Variants in CHD7 observed in about 807,000 individuals in gnomAD.
The protein encoded by CHD7 is chromodomain helicase DNA binding protein 7.
CHD7 carries 24 observed loss-of-function variants against 307.3 expected under a neutral mutation model. That is an observed-to-expected ratio of 0.08 (90% CI 0.06 to 0.11). CHD7 has a LOEUF of 0.11. Ranked by LOEUF, CHD7 falls within the 10% of genes least tolerant of loss-of-function variation. The pLI is 1.00. For missense variants in CHD7, 3,106 were observed against 3,727.1 expected (o/e 0.83, Z 4.34); for synonymous variants, 1,363 against 1,349.9 (o/e 1.01, Z -0.21).
Position 60,852,563 on chromosome 8 carries a change from C to T in CHD7, c.5960C>T (p.Pro1987Leu). Reference protein sequence around the residue: ...VVSTFGVIFDPVKQQFDWNQF... With the variant: ...VVSTFGVIFDLVKQQFDWNQF... ...TCCACCTTTGGGGTTATTTTTGACC[C>T]TGTGAAACAGCAATTTGACTGGAAC... The change falls in exon 30 of 38, where the codon CCT (proline) becomes CTT (leucine). Residue 1987 changes from proline (P) to leucine (L), a missense_variant. Around this residue, in one of 10 missense-constraint regions of CHD7, gnomAD observed 1,030 missense variants for 1,165.4 expected, o/e 0.88. Coordinates refer to ENST00000423902, the MANE Select transcript of CHD7 (RefSeq NM_017780.4). 6.2e-7 allele frequency: 1 copy of T among 1,613,882 alleles called. No individual in the cohort carries two copies. The highest frequency in any genetic ancestry group is 1.7e-5 in the Admixed American group (1 of 60,008).
chr8:60,765,366 CAA>C (rs1273209024), intron 2 of CHD7, among the ~76,000 whole-genome samples: 3 of 152,088 alleles, frequency 2.0e-5, no homozygotes, highest in African/African-American at 4.8e-5. Context: ...ATATAAATGA[CAA>C]GAGTATAACA....
rs1804071006 is a variant in CHD7, at chr8:60,822,119, C to T, written c.2931C>T (p.Asn977=). The change falls in exon 11 of 38, where the codon AAC becomes AAT. Residue 977 remains asparagine (N), a synonymous_variant. Transcript: ENST00000423902. ...KLREYQLEGV[N]WLLFNWYNMR... ...GGGAATACCAGTTGGAGGGAGTAAACTGGCTACTTTTCAATTGGTACAACA... is the reference window on the plus strand; with the variant it reads ...GGGAATACCAGTTGGAGGGAGTAAATTGGCTACTTTTCAATTGGTACAACA... 1 of 1,613,554 alleles carries T rather than the reference C, an allele frequency of 6.2e-7. No homozygotes were observed. Among genetic ancestry groups the T allele is most frequent in the Admixed American group, 1.7e-5 (1 of 59,986 alleles).
intron 2 of CHD7, among the ~76,000 whole-genome samples, chr8:60,757,964 C>G (rs1362643609): frequency 6.6e-6 from 1 of 152,046 alleles, no homozygotes; most frequent in Non-Finnish European, 1.5e-5. Flanking sequence ...GTTTTGAAAT[C>G]CTGATGCTCT....
At chr8:60,855,519 A>C (rs1805660414) in intron 32 of CHD7, among the ~76,000 whole-genome samples, 1 of 152,226 alleles carries the variant, frequency 6.6e-6, no homozygotes, top group African/African-American at 2.4e-5. Flanking sequence ...TAGTGACGCT[A>C]ATGATGTCCT....
At chr8:60,716,116 A>G (rs556720985) in intron 1 of CHD7, among the ~76,000 whole-genome samples, 1 of 152,294 alleles carries the variant, frequency 6.6e-6, no homozygotes, top group East Asian at 1.9e-4. Flanking sequence ...CTCTGCCTTT[A>G]AAGTATATGC....
At chr8:60,801,943 TC>T (rs1812333526) in intron 6 of CHD7, among the ~76,000 whole-genome samples, 1 of 152,158 alleles carries the variant, frequency 6.6e-6, no homozygotes, top group African/African-American at 2.4e-5. Context: ...TCAGGAAGGT[TC>T]CCCCCTCTTT....
Position 60,850,503 on chromosome 8 carries a change from G to A in CHD7, c.5415G>A (p.Lys1805=). ...ATGGGCACGGCACAGGCTATGAGAA[G>A]TACAACTCCATGCGAGCTGACCCCG... ...LIGVFKHGYE[K]YNSMRADPAL... is the part of the protein sequence containing the mutation. Residue 1805 remains lysine (K), a synonymous_variant, in exon 26 of 38, where the codon AAG becomes AAA. Transcript: ENST00000423902. 1.2e-6 allele frequency: 2 copies of A among 1,613,334 alleles called. No individual in the cohort carries two copies. The highest frequency in any genetic ancestry group is 1.3e-5 in the African/African-American group (1 of 75,058).
At chr8:60,796,481 CA>C (rs778137536) in intron 4 of CHD7, among the ~76,000 whole-genome samples, 29 of 152,126 alleles carry the variant, frequency 1.9e-4, no homozygotes, top group Non-Finnish European at 3.2e-4. Flanking sequence ...AGTATTTGGA[CA>C]ACATTAAGAA....
intron 2 of CHD7, among the ~76,000 whole-genome samples, chr8:60,745,866 A>G (rs1185920064): frequency 6.6e-6 from 1 of 152,160 alleles, no homozygotes; most frequent in Non-Finnish European, 1.5e-5. Flanking sequence ...CACCCAGCAC[A>G]AAGGGTGTTA....
At chr8:60,743,314 T>C (rs1473583250) in intron 2 of CHD7, among the ~76,000 whole-genome samples, 1 of 152,256 alleles carries the variant, frequency 6.6e-6, no homozygotes, top group Admixed American at 6.5e-5. Flanking sequence ...TAACTAAGAC[T>C]GGGTCCCTGC....
chr8:60,852,825 A>G lies in CHD7; in HGVS notation c.6104-4A>G. On this transcript the variant is annotated splice_polypyrimidine_tract_variant and splice_region_variant and intron_variant, in intron 30 of 37. Transcript: ENST00000423902. ...AAGTAAATATGAGCCCTTCTGTGTT[A>G]CAGAACCGCCCGACCTCTCCTCCAT... 1 of 1,611,348 alleles carries G rather than the reference A, an allele frequency of 6.2e-7. No homozygotes were observed. The highest frequency in any genetic ancestry group is 8.5e-7 in the Non-Finnish European group (1 of 1,177,876).
Position 60,742,573 on chromosome 8 carries a change from A to C in CHD7, c.1141A>C (p.Met381Leu). The C allele has an allele frequency of 6.2e-7, 1 of 1,613,870 alleles. No individual in the cohort carries two copies. The highest frequency in any genetic ancestry group is 1.7e-5 in the Admixed American group (1 of 60,014). Residue 381 changes from methionine to leucine, a missense_variant, in exon 2 of 38, where the codon ATG (methionine) becomes CTG (leucine). Physicochemically the swap from Met to Leu is conservative, Grantham distance 15. Coordinates refer to ENST00000423902, the MANE Select transcript of CHD7 (RefSeq NM_017780.4). ...GSLNQMNTQT[M>L]HPSQPQGTYA... Reference sequence around the variant, plus strand: ...ACTTAACCAAATGAACACACAAACTATGCATCCTTCACAGCCTCAGGGAAC... The same window carrying C: ...ACTTAACCAAATGAACACACAAACTCTGCATCCTTCACAGCCTCAGGGAAC...
chr8:60,792,102 G>A (rs1392092809), intron 3 of CHD7, among the ~76,000 whole-genome samples: 1 of 152,122 alleles, frequency 6.6e-6, no homozygotes, highest in Non-Finnish European at 1.5e-5. Context: ...GGAAACTGAG[G>A]CTCAGACAAA....
At chr8:60,783,774 G>T (rs567520047) in intron 3 of CHD7, among the ~76,000 whole-genome samples, 2 of 152,062 alleles carry the variant, frequency 1.3e-5, no homozygotes, top group Admixed American at 6.6e-5. Flanking sequence ...TGCCACACTG[G>T]GGGGGGCGGG....
At position 60,854,439 on chromosome 8, in the gene CHD7, A is replaced by G; in HGVS notation, c.6852A>G (p.Arg2284=). Residue 2284 remains arginine, a synonymous_variant, in exon 32 of 38, where the codon CGA becomes CGG. Transcript: ENST00000423902. ...ASMSTARDET[R]DGFYMEDGDP... ...TGAGCACTGCTAGAGATGAAACCCG[A>G]GATGGATTCTACATGGAGGACGGAG... The G allele has an allele frequency of 6.2e-7, 1 of 1,613,828 alleles. No individual in the cohort carries two copies. The highest frequency in any genetic ancestry group is 8.5e-7 in the Non-Finnish European group (1 of 1,179,762).
intron 2 of CHD7, among the ~76,000 whole-genome samples, chr8:60,752,195 A>G (rs928884968): frequency 2.6e-5 from 4 of 152,182 alleles, no homozygotes; most frequent in Non-Finnish European, 4.4e-5. Flanking sequence ...CAAAAAAACA[A>G]TTGTTTTAGG....
intron 1 of CHD7, among the ~76,000 whole-genome samples, chr8:60,727,258 C>A (rs1158543592): frequency 6.6e-6 from 1 of 152,156 alleles, no homozygotes; most frequent in Non-Finnish European, 1.5e-5. Flanking sequence ...TCCCCAGTAG[C>A]TGGGACTACA....
intron 3 of CHD7, among the ~76,000 whole-genome samples, chr8:60,788,976 T>A (rs1811639922): frequency 6.6e-6 from 1 of 152,272 alleles, no homozygotes; most frequent in African/African-American, 2.4e-5. Context: ...GCTGCTTTAA[T>A]TGGCTTTTTA....
At chr8:60,699,276 G>A (rs962737695) in intron 1 of CHD7, among the ~76,000 whole-genome samples, 1 of 152,120 alleles carries the variant, frequency 6.6e-6, no homozygotes, top group Non-Finnish European at 1.5e-5. Context: ...ATGGCAGTGT[G>A]GATTTAAGAT....
Sources: gnomAD v4.1 joint callset for allele counts (sites outside exome capture counted in the v4.1 genomes callset) on GRCh38, gnomAD v4.1.1 for gene constraint, gnomAD v4.1.1 regional missense constraint, MANE v1.5 for transcripts, NCBI Gene and HGNC (gene_info 2026-07-23, HGNC 2026-07-21) for gene names.